Variants in DCT observed in about 807,000 individuals in gnomAD.
DCT encodes the protein L-dopachrome tautomerase.
In DCT, 47 loss-of-function variants were observed where a neutral mutation model predicts 53.0. The observed-to-expected ratio is 0.89, with a 90% CI of 0.70 to 1.13. The LOEUF (loss-of-function observed/expected upper bound fraction) is 1.13. Ranked by LOEUF, DCT falls within the 50% of genes most tolerant of loss-of-function variation. DCT has a pLI of 0.00. For missense variants in DCT, 669 were observed against 637.4 expected, an observed-to-expected ratio of 1.05 and a Z score of -0.53; for synonymous variants, 244 against 237.0, an observed-to-expected ratio of 1.03 and a Z score of -0.27.
intron 3 of DCT, among the ~76,000 whole-genome samples, 169 bp from the exon 4 acceptor site, chr13:94,465,968 TTATATATATATATATATATATATATATA>T (rs3044355): frequency 0.02 from 1,536 of 77,830 alleles, 91 homozygotes; most frequent in South Asian, 0.08. Context: ...TGTGTATATT[TTATATATATATATATATATATATATATA>T]TATATATATA....
intron 1 of DCT, among the ~76,000 whole-genome samples, chr13:94,475,904 C>T (rs1006312996): frequency 2.0e-5 from 3 of 152,098 alleles, no homozygotes; most frequent in African/African-American, 7.2e-5. Context: ...TACAGTAAAT[C>T]TTAAGTTACC....
chr13:94,514,483 C>T, the DCT span, among the ~76,000 whole-genome samples: 1 of 152,192 alleles, frequency 6.6e-6, no homozygotes, highest in Non-Finnish European at 1.5e-5. Flanking sequence ...CTTGGCTGGG[C>T]TGAGTCACTG....
the DCT span, among the ~76,000 whole-genome samples, chr13:94,542,824 A>G: frequency 0.049 from 7,398 of 152,254 alleles, 276 homozygotes; most frequent in African/African-American, 0.11. Context: ...AACAAACAGG[A>G]AACCCTGAAA....
In DCT at chr13:94,437,805, G is replaced by A. The variant is rs935494790; in HGVS notation, c.*2093C>T. 1 of 152,110 alleles carries A rather than the reference G, an allele frequency of 6.6e-6. No homozygotes were observed. Among genetic ancestry groups the A allele is most frequent in the African/African-American group, 2.4e-5 (1 of 41,424 alleles). 9.4% of individuals were successfully genotyped at this position (152,110 alleles called of 1,614,324 possible). A position where few individuals can be genotyped will look rare whatever the true frequency, so the allele number is the denominator to read the frequency against. On this transcript the variant is annotated 3_prime_UTR_variant, in exon 8 of 8. Coordinates refer to ENST00000377028, the MANE Select transcript of DCT (RefSeq NM_001922.5). ...CTAGAAAATTGTATTTCTCTTATATGAACTACAAAATTAGGAAATTCTCTC... is the reference window on the plus strand; with the variant it reads ...CTAGAAAATTGTATTTCTCTTATATAAACTACAAAATTAGGAAATTCTCTC...
At chr13:94,507,270 GGTAAAAA>G in the DCT span, among the ~76,000 whole-genome samples, 1 of 151,996 alleles carries the variant, frequency 6.6e-6, no homozygotes, top group African/African-American at 2.4e-5. Flanking sequence ...AAAAGCTGGG[GGTAAAAA>G]GTAAAGAGAA....
intron 6 of DCT, chr13:94,452,810 T>A: frequency 2.1e-6 from 1 of 481,006 alleles, no homozygotes; most frequent in Non-Finnish European, 3.6e-6. Context: ...TTGGAATAAG[T>A]TAAAAAAAAA....
At chr13:94,472,562 ATATATATTTTTTTTTTTTTTTT>A (rs1884799619) in intron 1 of DCT, among the ~76,000 whole-genome samples, 1 of 19,084 alleles carries the variant, frequency 5.2e-5, no homozygotes, top group Non-Finnish European at 8.5e-5. Context: ...ATATATATAT[ATATATATTTTTTTTTTTTTTTT>A]TTTTTTTTTT....
chr13:94,508,598 G>T, the DCT span, among the ~76,000 whole-genome samples: 1 of 152,160 alleles, frequency 6.6e-6, no homozygotes, highest in African/African-American at 2.4e-5. Flanking sequence ...AATTAGAGAA[G>T]TTTCCAATTG....
At chr13:94,482,327 G>A (rs1293767239), upstream of DCT, among the ~76,000 whole-genome samples, 1 of 152,198 alleles carries the variant, frequency 6.6e-6, no homozygotes, top group Non-Finnish European at 1.5e-5. Context: ...CTGGATGGCA[G>A]ACTATTGCAA....
intron 2 of DCT, 196 bp from the exon 3 acceptor site, chr13:94,466,854 A>T: frequency 2.8e-6 from 1 of 358,444 alleles, no homozygotes; most frequent in Non-Finnish European, 5.1e-6. Context: ...TACTTTTAGG[A>T]TAAACCCTCC....
chr13:94,533,451 CAATTACTGGATCATACAGGGA>C, the DCT span, among the ~76,000 whole-genome samples: 1 of 152,096 alleles, frequency 6.6e-6, no homozygotes, highest in African/African-American at 2.4e-5. Flanking sequence ...AGAAAAATGG[CAATTACTGGATCATACAGGGA>C]AAACACCCTG....
chr13:94,463,846 G>T (rs1357342336), intron 4 of DCT, among the ~76,000 whole-genome samples: 1 of 152,132 alleles, frequency 6.6e-6, no homozygotes, highest in African/African-American at 2.4e-5. Flanking sequence ...AGCTGAAAAA[G>T]GTCTCCAAGG....
the DCT span, among the ~76,000 whole-genome samples, chr13:94,547,984 A>AAATATATATATATATATATAT: frequency 1.5e-5 from 1 of 65,846 alleles, no homozygotes; most frequent in African/African-American, 1.3e-4. Context: ...AAAAAAAAAA[A>AAATATATATATATATATATAT]ATATATATAT....
At chr13:94,451,919 G>GC (rs1566814298) in intron 6 of DCT, among the ~76,000 whole-genome samples, 2 of 149,596 alleles carry the variant, frequency 1.3e-5, no homozygotes, top group Non-Finnish European at 3.0e-5. Flanking sequence ...AATATTTAGG[G>GC]TTTTTTTTTT....
chr13:94,462,223 G>A, intron 4 of DCT, 34 bp from the exon 5 acceptor site: 2 of 1,550,118 alleles, frequency 1.3e-6, no homozygotes, highest in Non-Finnish European at 8.9e-7. Context: ...AATAATATAT[G>A]TTGGCTGGGC....
chr13:94,528,499 G>C, the DCT span, among the ~76,000 whole-genome samples: 1 of 152,170 alleles, frequency 6.6e-6, no homozygotes, highest in Non-Finnish European at 1.5e-5. Context: ...CATTCTTAAA[G>C]AAAAGAATTT....
At chr13:94,471,772 G>A (rs532315603) in intron 1 of DCT, among the ~76,000 whole-genome samples, 4 of 152,310 alleles carry the variant, frequency 2.6e-5, no homozygotes, top group African/African-American at 9.6e-5. Context: ...ATCTATAGCT[G>A]ATTGGAGGTA....
the DCT span, among the ~76,000 whole-genome samples, chr13:94,510,290 G>A: frequency 6.6e-5 from 10 of 152,216 alleles, no homozygotes; most frequent in Admixed American, 1.3e-4. Flanking sequence ...CATGGGTATC[G>A]GGATATTTAA....
At chr13:94,474,819 C>A (rs756037354) in intron 1 of DCT, among the ~76,000 whole-genome samples, 14 of 152,084 alleles carry the variant, frequency 9.2e-5, no homozygotes, top group Admixed American at 7.9e-4. Flanking sequence ...AAAACAAATC[C>A]CAGAATTTCT....
Sources: gnomAD v4.1 joint callset for allele counts (sites outside exome capture counted in the v4.1 genomes callset) on GRCh38, gnomAD v4.1.1 for gene constraint, MANE v1.5 for transcripts, NCBI Gene and HGNC (gene_info 2026-07-23, HGNC 2026-07-21) for gene names.